The following ZNF385D variants were observed in gnomAD, a reference collection of about 807,000 sequenced individuals.
ZNF385D encodes zinc finger protein 385D.
ZNF385D carries 15 observed loss-of-function variants against 35.8 expected under a neutral mutation model. The observed-to-expected ratio is 0.42, with a 90% CI of 0.28 to 0.64. The LOEUF is 0.64. Ranked by LOEUF, ZNF385D falls within the 30% of genes least tolerant of loss-of-function variation. The pLI is 0.23. For synonymous variants in ZNF385D, 212 were observed against 186.8 expected, an observed-to-expected ratio of 1.13 and a Z score of -1.10; for missense variants, 474 against 494.6, an observed-to-expected ratio of 0.96 and a Z score of 0.39.
intron 3 of ZNF385D, among the ~76,000 whole-genome samples, chr3:21,833,465 A>T (rs1230722275): frequency 5.3e-5 from 8 of 152,162 alleles, no homozygotes; most frequent in Non-Finnish European, 1.2e-4. Context: ...TTGTGGCCAT[A>T]AGCCAAAAAT....
intron 3 of ZNF385D, among the ~76,000 whole-genome samples, chr3:21,913,731 A>G (rs1700071109): frequency 6.6e-6 from 1 of 151,950 alleles, no homozygotes; most frequent in Non-Finnish European, 1.5e-5. Context: ...AGAGATTAGA[A>G]CTCTTATTTG....
chr3:22,112,841 G>C (rs185016426), intron 3 of ZNF385D, among the ~76,000 whole-genome samples: 1,710 of 148,146 alleles, frequency 0.012, 29 homozygotes, highest in African/African-American at 0.04. Flanking sequence ...CTTCCTATGG[G>C]GGGGAAAAAA....
intron 4 of ZNF385D, among the ~76,000 whole-genome samples, chr3:21,439,620 A>T (rs990725459): frequency 1.3e-5 from 2 of 152,050 alleles, no homozygotes; most frequent in African/African-American, 4.8e-5. Context: ...GATCATAGTA[A>T]TCCTAAACTA....
chr3:21,543,586 C>T (rs1417086574), intron 3 of ZNF385D, among the ~76,000 whole-genome samples: 1 of 152,166 alleles, frequency 6.6e-6, no homozygotes, highest in African/African-American at 2.4e-5. Context: ...GGGTTCTACT[C>T]CATCCGACAG....
At chr3:22,175,200 A>C (rs762613953) in intron 2 of ZNF385D, among the ~76,000 whole-genome samples, 1 of 151,926 alleles carries the variant, frequency 6.6e-6, no homozygotes, top group African/African-American at 2.4e-5. Flanking sequence ...TATAACAAAG[A>C]TTTATTATTT....
intron 2 of ZNF385D, among the ~76,000 whole-genome samples, chr3:22,305,091 C>T (rs902526812): frequency 2.0e-5 from 3 of 151,944 alleles, no homozygotes; most frequent in African/African-American, 4.8e-5. Flanking sequence ...TCTCAGCTTT[C>T]GTCTTAGGTA....
chr3:21,680,414 C>A (rs2066862335), intron 1 of ZNF385D, among the ~76,000 whole-genome samples: 1 of 152,068 alleles, frequency 6.6e-6, no homozygotes, highest in Non-Finnish European at 1.5e-5. Context: ...ATAATATTAT[C>A]TTTCCTAACC....
chr3:21,592,985 C>T (rs1049892028), intron 2 of ZNF385D, among the ~76,000 whole-genome samples: 1 of 152,158 alleles, frequency 6.6e-6, no homozygotes, highest in African/African-American at 2.4e-5. Context: ...AGCTTCTGAC[C>T]GACTTGGAAA....
chr3:21,906,093 A>C (rs1302226202), intron 3 of ZNF385D, among the ~76,000 whole-genome samples: 2 of 152,150 alleles, frequency 1.3e-5, no homozygotes, highest in African/African-American at 4.8e-5. Context: ...TCTCTTACTC[A>C]TCTTCTAAAA....
chr3:21,856,557 C>A (rs965329381), intron 3 of ZNF385D, among the ~76,000 whole-genome samples: 1 of 151,816 alleles, frequency 6.6e-6, no homozygotes, highest in Admixed American at 6.6e-5. Context: ...GGAATTTTCC[C>A]CCTTATTTTC....
At chr3:22,062,469 A>C (rs1235073174) in intron 3 of ZNF385D, among the ~76,000 whole-genome samples, 2 of 152,240 alleles carry the variant, frequency 1.3e-5, no homozygotes, top group African/African-American at 4.8e-5. Context: ...ATACTGCCAT[A>C]TAAAGGACTT....
At chr3:21,745,001 C>T (rs2069697914) in intron 1 of ZNF385D, among the ~76,000 whole-genome samples, 1 of 152,160 alleles carries the variant, frequency 6.6e-6, no homozygotes, top group East Asian at 1.9e-4. Flanking sequence ...TCTGCTCTCC[C>T]ACACCCATTC....
intron 3 of ZNF385D, among the ~76,000 whole-genome samples, chr3:22,141,284 T>A (rs972363536): frequency 6.6e-6 from 1 of 151,582 alleles, no homozygotes; most frequent in Non-Finnish European, 1.5e-5. Flanking sequence ...TTAAAAAAAA[T>A]TAGCTGGCAA....
intron 4 of ZNF385D, among the ~76,000 whole-genome samples, chr3:21,462,284 C>T (rs1036068243): frequency 6.6e-6 from 1 of 151,922 alleles, no homozygotes; most frequent in African/African-American, 2.4e-5. Flanking sequence ...TTTTGTGAGC[C>T]AGAATTTTGT....
intron 3 of ZNF385D, among the ~76,000 whole-genome samples, chr3:21,546,854 G>A (rs1304625587): frequency 6.6e-6 from 1 of 151,798 alleles, no homozygotes; most frequent in African/African-American, 2.4e-5. Context: ...CGCTTCATGG[G>A]TTCAAGTCAC....
intron 2 of ZNF385D, among the ~76,000 whole-genome samples, chr3:21,663,958 C>T (rs1436071178): frequency 7.9e-6 from 1 of 126,930 alleles, no homozygotes; most frequent in Non-Finnish European, 1.6e-5. Flanking sequence ...GATATTGCAA[C>T]AAGAAAGCTG....
intron 3 of ZNF385D, among the ~76,000 whole-genome samples, chr3:21,845,801 G>A (rs999421520): frequency 6.6e-6 from 1 of 151,998 alleles, no homozygotes; most frequent in African/African-American, 2.4e-5. Flanking sequence ...TCTTTAACTT[G>A]TAAAGGAGAG....
At chr3:22,272,338 A>C (rs1701219820) in intron 2 of ZNF385D, among the ~76,000 whole-genome samples, 2 of 152,028 alleles carry the variant, frequency 1.3e-5, no homozygotes, top group Admixed American at 1.3e-4. Flanking sequence ...ATATATCTCC[A>C]ATATCTAAAT....
At chr3:21,594,747 A>C (rs908998405) in intron 2 of ZNF385D, among the ~76,000 whole-genome samples, 1 of 152,290 alleles carries the variant, frequency 6.6e-6, no homozygotes, top group South Asian at 2.1e-4. Context: ...CTTTTCAATA[A>C]GTTTAATCCT....
Sources: gnomAD v4.1 joint callset for allele counts (sites outside exome capture counted in the v4.1 genomes callset) on GRCh38, gnomAD v4.1.1 for gene constraint, MANE v1.5 for transcripts, NCBI Gene and HGNC (gene_info 2026-07-23, HGNC 2026-07-21) for gene names.